The following ZNF512 variants were observed in gnomAD, a reference collection of about 807,000 sequenced individuals.
ZNF512 encodes the protein zinc finger protein 512.
ZNF512 carries 25 observed loss-of-function variants against 77.5 expected under a neutral mutation model. That is an observed-to-expected ratio of 0.32 (90% CI 0.23 to 0.45). ZNF512 has a LOEUF of 0.45. Ranked by LOEUF, ZNF512 falls within the 20% of genes least tolerant of loss-of-function variation. ZNF512 has a pLI of 1.00. For missense variants in ZNF512, 483 were observed against 692.6 expected (o/e 0.70, Z 3.40); for synonymous variants, 246 against 239.9 (o/e 1.03, Z -0.24).
At chr2:27,585,498 A>G (rs1338851565) in intron 2 of ZNF512, among the ~76,000 whole-genome samples, 2 of 152,252 alleles carry the variant, frequency 1.3e-5, no homozygotes, top group East Asian at 3.8e-4. Flanking sequence ...CTTTACTTTT[A>G]ACTAGCTTCC....
chr2:27,600,777 A>G lies in ZNF512; in HGVS notation c.544A>G (p.Ile182Val). 4 of 1,613,998 alleles carry G rather than the reference A, an allele frequency of 2.5e-6. No homozygotes were observed. Among genetic ancestry groups the G allele is most frequent in the Non-Finnish European group, 3.4e-6 (4 of 1,179,950 alleles). Residue 182 changes from isoleucine to valine, a missense_variant, in exon 6 of 14, where the codon ATA (isoleucine) becomes GTA (valine). Transcript: ENST00000355467. ...CTGCCAGGCAGTGGGGAGGAAGACC[A>G]TAGAGGGTTTAAAGAAACACATGGA... ...PTCQAVGRKT[I>V]EGLKKHMENC...
chr2:27,615,257 G>A lies in ZNF512; in HGVS notation c.1221G>A (p.Gln407=). 6.3e-7 allele frequency: 1 copy of A among 1,599,658 alleles called. No individual in the cohort carries two copies. Among genetic ancestry groups the A allele is most frequent in the Non-Finnish European group, 8.5e-7 (1 of 1,172,578 alleles). ...ATATCAAGAAATATCATCGTATTCAGTGTCCTAACCAGGTGGTTCTTTCTC... is the reference window on the plus strand; with the variant it reads ...ATATCAAGAAATATCATCGTATTCAATGTCCTAACCAGGTGGTTCTTTCTC... ...KTDIKKYHRI[Q]CPNQGCEAVY... The change falls in exon 11 of 14, where the codon CAG becomes CAA. Residue 407 remains glutamine (Q), a synonymous_variant. Coordinates refer to ENST00000355467, the MANE Select transcript of ZNF512 (RefSeq NM_032434.4).
chr2:27,590,027 T>G (rs888867254), intron 2 of ZNF512, among the ~76,000 whole-genome samples: 7 of 152,204 alleles, frequency 4.6e-5, no homozygotes, highest in African/African-American at 1.7e-4. Context: ...ATATATATCC[T>G]GCAGTTGTTA....
At chr2:27,596,992 T>C (rs1318194006) in intron 2 of ZNF512, among the ~76,000 whole-genome samples, 1 of 152,256 alleles carries the variant, frequency 6.6e-6, no homozygotes, top group African/African-American at 2.4e-5. Context: ...AGATACTGTT[T>C]TGTTTCTTTT....
At chr2:27,620,045 AC>A (rs1212423680) in intron 13 of ZNF512, among the ~76,000 whole-genome samples, 1 of 152,188 alleles carries the variant, frequency 6.6e-6, no homozygotes, top group Non-Finnish European at 1.5e-5. Context: ...CTAGAGCAGC[AC>A]TATCCAAAAA....
At chr2:27,598,502 G>A (rs1286575298) in intron 3 of ZNF512, among the ~76,000 whole-genome samples, 7 of 151,958 alleles carry the variant, frequency 4.6e-5, no homozygotes, top group East Asian at 1.9e-4. Flanking sequence ...GGTGGTGGGC[G>A]CCTGTAGTCC....
chr2:27,585,084 T>C (rs552407210), intron 2 of ZNF512, among the ~76,000 whole-genome samples: 1 of 152,132 alleles, frequency 6.6e-6, no homozygotes, highest in Non-Finnish European at 1.5e-5. Context: ...GAACAACGTA[T>C]AGGGAATGTA....
chr2:27,603,601 T>A (rs1672228602), intron 9 of ZNF512, among the ~76,000 whole-genome samples: 1 of 147,404 alleles, frequency 6.8e-6, no homozygotes, highest in African/African-American at 2.5e-5. Context: ...TTTTTTTTTT[T>A]TTTTTTCTTC....
chr2:27,586,165 G>A (rs1054258056), intron 2 of ZNF512, among the ~76,000 whole-genome samples: 15 of 152,254 alleles, frequency 9.9e-5, no homozygotes, highest in South Asian at 4.1e-4. Context: ...TTTCCTAAGA[G>A]TTATTACATG....
chr2:27,609,467 C>T (rs1339004961), intron 10 of ZNF512, among the ~76,000 whole-genome samples: 2 of 151,786 alleles, frequency 1.3e-5, no homozygotes, highest in African/African-American at 2.4e-5. Flanking sequence ...CAGTGGCTCA[C>T]GCCTGTAATC....
rs762846289 is a variant in ZNF512 at position 27,615,196 on chromosome 2, C to T, written c.1160C>T (p.Thr387Ile). The change falls in exon 11 of 14, where the codon ACC (threonine) becomes ATC (isoleucine). Residue 387 changes from threonine to isoleucine, a missense_variant. By Grantham distance (89) the Thr-to-Ile change is moderately conservative. Coordinates refer to ENST00000355467, the MANE Select transcript of ZNF512 (RefSeq NM_032434.4). ...AAATATACTCGTCCAGGGCTCCCTA[C>T]CTTCAGCCAGGAAGTACTACATAAA... is the stretch of plus-strand genomic sequence containing the variant. The part of the protein sequence containing the change: ...KLKYTRPGLP[T>I]FSQEVLHKWK... 1 of 1,606,328 alleles carries T rather than the reference C, an allele frequency of 6.2e-7. No homozygotes were observed. The highest frequency in any genetic ancestry group is 1.7e-5 in the Admixed American group (1 of 59,002).
At chr2:27,608,551 G>A (rs1003575260) in intron 10 of ZNF512, among the ~76,000 whole-genome samples, 1 of 151,812 alleles carries the variant, frequency 6.6e-6, no homozygotes, top group South Asian at 2.1e-4. Context: ...TCCCCTACAC[G>A]GCCCCAAGCA....
At chr2:27,599,764 A>G (rs1455299679) in intron 4 of ZNF512, 86 bp downstream of exon 4, 6 of 1,336,082 alleles carry the variant, frequency 4.5e-6, no homozygotes, top group Middle Eastern at 4.1e-4. Flanking sequence ...CCTTAGTTTG[A>G]GCCCTTCAGT....
intron 2 of ZNF512, among the ~76,000 whole-genome samples, chr2:27,592,749 G>A (rs1488160577): frequency 7.7e-5 from 10 of 130,530 alleles, no homozygotes; most frequent in East Asian, 2.5e-4. Context: ...CAAATGGCGC[G>A]ATCTTGGCTC....
intron 2 of ZNF512, among the ~76,000 whole-genome samples, chr2:27,597,630 T>A (rs1671931980): frequency 6.6e-6 from 1 of 152,180 alleles, no homozygotes; most frequent in Non-Finnish European, 1.5e-5. Context: ...AGAAGGAAGA[T>A]GAGTCAGATT....
At chr2:27,598,296 T>G in intron 3 of ZNF512, 42 bp downstream of exon 3, 1 of 1,572,846 alleles carries the variant, frequency 6.4e-7, no homozygotes, top group East Asian at 2.3e-5. Context: ...GGCCACTTCC[T>G]AAAGTTATAG....
At chr2:27,595,879 G>C (rs1671846044) in intron 2 of ZNF512, among the ~76,000 whole-genome samples, 1 of 152,078 alleles carries the variant, frequency 6.6e-6, no homozygotes, top group Non-Finnish European at 1.5e-5. Context: ...CCAAAATCTG[G>C]ATCACCTTGT....
chr2:27,589,994 T>C (rs527400549), intron 2 of ZNF512, among the ~76,000 whole-genome samples: 1 of 152,342 alleles, frequency 6.6e-6, no homozygotes, highest in East Asian at 1.9e-4. Context: ...GCTTAATGAA[T>C]GCATAATGTG....
intron 2 of ZNF512, among the ~76,000 whole-genome samples, chr2:27,584,268 C>G (rs1420267353): frequency 3.3e-5 from 5 of 152,108 alleles, no homozygotes; most frequent in Non-Finnish European, 5.9e-5. Context: ...AATTCGTGCT[C>G]ATAAATACAC....
Sources: allele counts gnomAD v4.1 joint callset (sites outside exome capture counted in the v4.1 genomes callset), GRCh38; gene constraint gnomAD v4.1.1; transcripts MANE v1.5; gene names NCBI Gene and HGNC (gene_info 2026-07-23, HGNC 2026-07-21).